Variants in ARSJ observed in about 807,000 individuals in gnomAD.
ARSJ encodes the protein arylsulfatase family member J.
Under a neutral mutation model 35.9 loss-of-function variants are expected in ARSJ, and 26 were observed. That is an observed-to-expected ratio of 0.72 (90% CI 0.53 to 1.00). The LOEUF is 1.00. Among genes scored for constraint, ARSJ ranks in the 50% least tolerant of loss-of-function variants. ARSJ has a pLI of 0.00. For missense variants in ARSJ, 667 were observed against 723.6 expected (o/e 0.92, Z 0.90); for synonymous variants, 294 against 267.6 (o/e 1.10, Z -0.96).
intron 1 of ARSJ, among the ~76,000 whole-genome samples, chr4:113,932,497 G>A (rs1011851840): frequency 3.3e-5 from 5 of 151,960 alleles, no homozygotes; most frequent in East Asian, 1.9e-4. Flanking sequence ...AGTAGAAATC[G>A]TATCAAATAT....
intron 1 of ARSJ, among the ~76,000 whole-genome samples, chr4:113,938,101 T>G (rs958764426): frequency 1.3e-5 from 2 of 151,780 alleles, no homozygotes; most frequent in African/African-American, 4.8e-5. Flanking sequence ...GTAAAAAGAA[T>G]AAACCTGGAA....
chr4:113,963,419 G>A (rs1012458972), intron 1 of ARSJ, among the ~76,000 whole-genome samples: 2 of 151,970 alleles, frequency 1.3e-5, no homozygotes, highest in African/African-American at 4.8e-5. Flanking sequence ...TCACATGATG[G>A]CAGGAAGGAG....
intron 1 of ARSJ, among the ~76,000 whole-genome samples, chr4:113,967,784 A>G (rs1726988653): frequency 2.0e-5 from 3 of 152,164 alleles, no homozygotes; most frequent in African/African-American, 7.2e-5. Context: ...GATGTTAACA[A>G]TTTTTAAATC....
intron 1 of ARSJ, among the ~76,000 whole-genome samples, chr4:113,912,342 T>G (rs1183007744): frequency 6.6e-6 from 1 of 152,182 alleles, no homozygotes; most frequent in African/African-American, 2.4e-5. Context: ...AAGTGAGAAT[T>G]GCACAGCATC....
At chr4:113,924,096 T>C (rs1407422397) in intron 1 of ARSJ, among the ~76,000 whole-genome samples, 2 of 133,142 alleles carry the variant, frequency 1.5e-5, no homozygotes, top group Non-Finnish European at 3.1e-5. Flanking sequence ...TATATATATA[T>C]ATATATATAT....
intron 1 of ARSJ, 27 bp downstream of exon 1, chr4:113,978,410 A>T: frequency 6.5e-7 from 1 of 1,531,536 alleles, no homozygotes; most frequent in South Asian, 1.3e-5. Context: ...TCTCCAAGGA[A>T]TAAATATAAG....
chr4:113,966,913 T>G (rs1594511046), intron 1 of ARSJ, among the ~76,000 whole-genome samples: 1 of 152,080 alleles, frequency 6.6e-6, no homozygotes, highest in South Asian at 2.1e-4. Flanking sequence ...CTATGGCTGG[T>G]CCTTACCCTC....
intron 1 of ARSJ, among the ~76,000 whole-genome samples, chr4:113,968,785 A>C (rs1727052796): frequency 6.6e-6 from 1 of 152,218 alleles, no homozygotes; most frequent in South Asian, 2.1e-4. Context: ...AATTTTAAGC[A>C]GGGAAGTGTC....
rs1286868473 is a variant in ARSJ at position 113,902,061 on chromosome 4, C to G, written c.*213G>C. 6.9e-7 allele frequency: 1 copy of G among 1,459,370 alleles called. No homozygotes were observed. Among genetic ancestry groups the G allele is most frequent in the Admixed American group, 2.0e-5 (1 of 49,746 alleles). 90.4% of individuals were successfully genotyped at this position (1,459,370 alleles called of 1,614,324 possible). A position where few individuals can be genotyped will look rare whatever the true frequency, so the allele number is the denominator to read the frequency against. On this transcript the variant is annotated 3_prime_UTR_variant, in exon 2 of 2. Transcript: ENST00000315366. Reference sequence around the variant, plus strand: ...AGAGAAATAAACATCTCCACTCTCTCTAAGTGTGGCTTGCAAGAGTAGCAC... The same window carrying G: ...AGAGAAATAAACATCTCCACTCTCTGTAAGTGTGGCTTGCAAGAGTAGCAC...
At chr4:113,921,626 G>A (rs1723687938) in intron 1 of ARSJ, among the ~76,000 whole-genome samples, 1 of 152,092 alleles carries the variant, frequency 6.6e-6, no homozygotes, top group African/African-American at 2.4e-5. Flanking sequence ...GAAGCCACCA[G>A]CTTAGTGAAT....
At chr4:113,935,085 A>G (rs1299240028) in intron 1 of ARSJ, among the ~76,000 whole-genome samples, 1 of 151,888 alleles carries the variant, frequency 6.6e-6, no homozygotes, top group African/African-American at 2.4e-5. Context: ...TGGATTTCAA[A>G]TTACTCTCCT....
At chr4:113,928,019 C>G (rs570958182) in intron 1 of ARSJ, among the ~76,000 whole-genome samples, 13 of 152,238 alleles carry the variant, frequency 8.5e-5, no homozygotes, top group African/African-American at 3.1e-4. Context: ...ATTATGCATT[C>G]TGGCGCTGGG....
At chr4:113,904,364 C>T (rs778243513) in intron 1 of ARSJ, among the ~76,000 whole-genome samples, 2 of 152,146 alleles carry the variant, frequency 1.3e-5, no homozygotes, top group Non-Finnish European at 2.9e-5. Context: ...TGCTTTTAAC[C>T]TAGGGGCCTT....
chr4:113,969,953 G>A (rs1000970272), intron 1 of ARSJ, among the ~76,000 whole-genome samples: 14 of 152,206 alleles, frequency 9.2e-5, no homozygotes, highest in African/African-American at 3.1e-4. Flanking sequence ...CTGTGAAGGA[G>A]TGGAAAATCA....
intron 1 of ARSJ, among the ~76,000 whole-genome samples, chr4:113,931,483 T>C (rs1724446530): frequency 6.6e-6 from 1 of 152,092 alleles, no homozygotes. Context: ...AACGCCACCC[T>C]TAACAAAGAA....
At chr4:113,915,773 A>G (rs761353201) in intron 1 of ARSJ, among the ~76,000 whole-genome samples, 7 of 152,214 alleles carry the variant, frequency 4.6e-5, no homozygotes, top group Non-Finnish European at 1.0e-4. Context: ...GCTGCAGGTA[A>G]AATACTTGCC....
chr4:113,959,285 C>A (rs1726392566), intron 1 of ARSJ, among the ~76,000 whole-genome samples: 1 of 151,954 alleles, frequency 6.6e-6, no homozygotes, highest in Non-Finnish European at 1.5e-5. Context: ...ATTAACAGCT[C>A]TACCTCTAAA....
intron 1 of ARSJ, among the ~76,000 whole-genome samples, chr4:113,908,595 G>A (rs1003867183): frequency 6.6e-6 from 1 of 151,776 alleles, no homozygotes; most frequent in African/African-American, 2.4e-5. Flanking sequence ...TCTATATAAA[G>A]GCAGTGTGCA....
intron 1 of ARSJ, among the ~76,000 whole-genome samples, chr4:113,914,701 G>A (rs760260802): frequency 4.6e-5 from 7 of 152,290 alleles, no homozygotes; most frequent in Admixed American, 1.3e-4. Context: ...AAATGAGGCA[G>A]TCTCCAGAAA....
Sources: gnomAD v4.1 joint callset for allele counts (sites outside exome capture counted in the v4.1 genomes callset) on GRCh38, gnomAD v4.1.1 for gene constraint, MANE v1.5 for transcripts, NCBI Gene and HGNC (gene_info 2026-07-23, HGNC 2026-07-21) for gene names.